NINL: variants seen among roughly 807,000 people sequenced by gnomAD.
NINL encodes ninein like.
In NINL, 153 loss-of-function variants were observed where a neutral mutation model predicts 160.3. The observed-to-expected ratio is 0.95, with a 90% confidence interval of 0.84 to 1.09. The LOEUF (loss-of-function observed/expected upper bound fraction) is 1.09, where lower values mean the gene tolerates loss of function less well. Among genes scored for constraint, NINL ranks in the 50% least tolerant of loss-of-function variants. NINL has a pLI of 0.00. For missense variants in NINL, 1,829 were observed against 1,764.0 expected (o/e 1.04, Z -0.66); for synonymous variants, 800 against 734.8 (o/e 1.09, Z -1.43).
intron 6 of NINL, among the ~76,000 whole-genome samples, chr20:25,504,511 C>T (rs1254459680): frequency 3.3e-5 from 5 of 152,218 alleles, no homozygotes; most frequent in Non-Finnish European, 7.3e-5. Flanking sequence ...AGGAACATGG[C>T]CACTGGAGAG....
intron 17 of NINL, among the ~76,000 whole-genome samples, chr20:25,470,928 C>A (rs571117341): frequency 1.0e-3 from 154 of 152,310 alleles, no homozygotes; most frequent in African/African-American, 3.3e-3. Flanking sequence ...AACGTGTATT[C>A]CCCAAATAGG....
Position 25,453,324 on chromosome 20 carries a change from G to T in NINL, c.*127C>A. On this transcript the variant is annotated 3_prime_UTR_variant, in exon 24 of 24. Coordinates refer to ENST00000278886, the MANE Select transcript of NINL (RefSeq NM_025176.6). Reference sequence around the variant, plus strand: ...AGACCATTCATTAACTATCTGCGGGGTGAACAAAGAATCCCAATCCTCAGA... The same window carrying T: ...AGACCATTCATTAACTATCTGCGGGTTGAACAAAGAATCCCAATCCTCAGA... The T allele has an allele frequency of 1.2e-6, 1 of 804,214 alleles. No homozygotes were observed. Among genetic ancestry groups the T allele is most frequent in the Non-Finnish European group, 1.9e-6 (1 of 519,902 alleles). The allele number at this position is 804,214 out of a possible 1,614,324, so 49.8% of individuals were successfully genotyped here. A position where few individuals can be genotyped will look rare whatever the true frequency, so the allele number is the denominator to read the frequency against.
At chr20:25,498,997 G>T in intron 8 of NINL, 3 of 985,474 alleles carry the variant, frequency 3.0e-6, no homozygotes, top group Non-Finnish European at 2.4e-6. Context: ...TGTCGTGTTT[G>T]CTTTTTCCGC....
chr20:25,470,059 C>A lies in NINL; in HGVS notation c.3285G>T (p.Leu1095Phe). ...GAACCCTTCCCAGATCGTTTTTCAA[C>A]AAAGTGTTTTCTTCAGAAAGTCTAT... ...EFHRLSEENT[L>F]LKNDLGRVRQ... Residue 1095 changes from leucine (L) to phenylalanine (F), a missense_variant, in exon 18 of 24, where the codon TTG becomes TTT. Coordinates refer to ENST00000278886, the MANE Select transcript of NINL (RefSeq NM_025176.6). 1 of 1,614,148 alleles carries A rather than the reference C, an allele frequency of 6.2e-7. No homozygotes were observed. Among genetic ancestry groups the A allele is most frequent in the Non-Finnish European group, 8.5e-7 (1 of 1,180,010 alleles).
intron 1 of NINL, among the ~76,000 whole-genome samples, chr20:25,571,919 A>G (rs923510116): frequency 2.0e-5 from 3 of 151,940 alleles, no homozygotes; most frequent in African/African-American, 7.3e-5. Context: ...GCAAAAAATC[A>G]AAATCCTAAC....
intron 23 of NINL, among the ~76,000 whole-genome samples, chr20:25,454,524 C>T (rs2090618471): frequency 6.6e-6 from 1 of 152,128 alleles, no homozygotes; most frequent in African/African-American, 2.4e-5. Context: ...GGACGGGTGG[C>T]CCCAGGGAGG....
intron 10 of NINL, among the ~76,000 whole-genome samples, chr20:25,495,826 G>A (rs769559552): frequency 3.9e-5 from 6 of 152,168 alleles, no homozygotes; most frequent in African/African-American, 9.7e-5. Flanking sequence ...GAACCAGTGC[G>A]GTGGTTGTAT....
chr20:25,455,611 A>G, intron 23 of NINL, 62 bp downstream of exon 23: 1 of 1,246,478 alleles, frequency 8.0e-7, no homozygotes, highest in Non-Finnish European at 1.2e-6. Context: ...CTGCACACCC[A>G]TAAAAGTGGA....
At chr20:25,508,966 T>C (rs2064015292) in intron 5 of NINL, among the ~76,000 whole-genome samples, 4 of 152,256 alleles carry the variant, frequency 2.6e-5, no homozygotes, top group Admixed American at 2.0e-4. Flanking sequence ...CCTTTCAGCC[T>C]GCCCATGTGA....
chr20:25,478,581 T>TC (rs2063317583), intron 16 of NINL, among the ~76,000 whole-genome samples: 1 of 152,196 alleles, frequency 6.6e-6, no homozygotes, highest in Admixed American at 6.5e-5. Flanking sequence ...CAGGCCTTTC[T>TC]CCATCTCCCC....
Position 25,476,854 on chromosome 20 carries a change from G to A in NINL, c.2437C>T (p.Arg813Cys), listed in dbSNP as rs375694578. The A allele has an allele frequency of 8.1e-6, 13 of 1,613,224 alleles. No individual in the cohort carries two copies. The highest frequency in any genetic ancestry group is 4.5e-5 in the East Asian group (2 of 44,876). The change falls in exon 17 of 24, where the codon CGC becomes TGC. Residue 813 changes from arginine to cysteine, a missense_variant. Physicochemically the swap from Arg to Cys is radical, Grantham distance 180. Transcript: ENST00000278886. ...ALEEEELELA[R>C]GKRVDGPSLE... ...GAGGGCCCGTCCACTCGCTTCCCGC[G>A]GGCAAGCTCCAACTCCTCCTCCTCG...
Position 25,466,758 on chromosome 20 carries a change from C to A in NINL, c.3423+631G>T, listed in dbSNP as rs552871736. On this transcript the variant is annotated intron_variant, in intron 19 of 23. Transcript: ENST00000278886. ...GAGGTTGCAGTGAGCCAAGATCGCA[C>A]CACTGCACTCCAGCCTGGGTGACAG... 3.3e-5 allele frequency among the ~76,000 whole-genome samples: 5 copies of A among 152,166 alleles called. No individual in the cohort carries two copies. The East Asian group carries it at 7.8e-4, about 24-fold the overall frequency.
chr20:25,483,629 C>T (rs370389286), intron 13 of NINL, among the ~76,000 whole-genome samples: 4 of 152,366 alleles, frequency 2.6e-5, no homozygotes, highest in South Asian at 2.1e-4. Context: ...GCGTGGGCGG[C>T]GGGAAGGCTA....
At chr20:25,575,129 T>C (rs138843813) in intron 1 of NINL, among the ~76,000 whole-genome samples, 2 of 152,312 alleles carry the variant, frequency 1.3e-5, no homozygotes, top group African/African-American at 4.8e-5. Context: ...CTTGTTATTC[T>C]GAAAAACTTT....
intron 10 of NINL, among the ~76,000 whole-genome samples, chr20:25,491,978 T>C (rs1422004093): frequency 6.6e-6 from 1 of 152,210 alleles, no homozygotes; most frequent in Non-Finnish European, 1.5e-5. Context: ...TGGGGGATAT[T>C]TTTTTCTCAG....
chr20:25,461,460 T>C, intron 21 of NINL, 62 bp downstream of exon 21: 1 of 987,982 alleles, frequency 1.0e-6, no homozygotes, highest in East Asian at 2.5e-5. Context: ...CCGTTGGCAC[T>C]GCGGTGATGC....
rs1187982445 is a variant in NINL at position 25,472,593 on chromosome 20, A to G, written c.3249-2498T>C. 4.7e-5 allele frequency among the ~76,000 whole-genome samples: 7 copies of G among 148,882 alleles called. No homozygotes were observed. The South Asian group carries it at 1.5e-3, about 32-fold the overall frequency. ...CGCCCAGGCTGGAGTGCAGTGGTGC[A>G]ATCTCAGCTCACTGCAGCCTCAACC... On this transcript the variant is annotated intron_variant, in intron 17 of 23. Coordinates refer to ENST00000278886, the MANE Select transcript of NINL (RefSeq NM_025176.6).
intron 21 of NINL, among the ~76,000 whole-genome samples, chr20:25,459,790 ACATCTACTGAATGGAGAGC>A (rs2090793150): frequency 2.0e-5 from 3 of 152,122 alleles, no homozygotes; most frequent in Admixed American, 2.0e-4. Flanking sequence ...CAGCCTGTAA[ACATCTACTGAATGGAGAGC>A]CATCCAGTCC....
chr20:25,546,056 T>C (rs1264356952), intron 1 of NINL, among the ~76,000 whole-genome samples: 1 of 151,962 alleles, frequency 6.6e-6, no homozygotes, highest in East Asian at 1.9e-4. Flanking sequence ...ATGTATGACT[T>C]TGCCTGTGAC....
Sources: allele counts gnomAD v4.1 joint callset (sites outside exome capture counted in the v4.1 genomes callset), GRCh38; gene constraint gnomAD v4.1.1; transcripts MANE v1.5; gene names NCBI Gene and HGNC (gene_info 2026-07-23, HGNC 2026-07-21).